Variants in CDC42BPA observed in about 807,000 individuals in gnomAD.
CDC42BPA encodes serine/threonine-protein kinase MRCK alpha.
A neutral mutation model predicts 223.5 loss-of-function variants in CDC42BPA; 80 were observed. That is an observed-to-expected ratio of 0.36 (90% confidence interval 0.30 to 0.43). The LOEUF is 0.43. Among genes scored for constraint, CDC42BPA ranks in the 20% least tolerant of loss-of-function variants. The pLI is 1.00. For synonymous variants in CDC42BPA, 694 were observed against 718.6 expected, an observed-to-expected ratio of 0.97 and a Z score of 0.55; for missense variants, 1,743 against 2,099.9, an observed-to-expected ratio of 0.83 and a Z score of 3.32.
At position 226,991,491 on chromosome 1, in the gene CDC42BPA, C is replaced by G. The variant is rs995912607; in HGVS notation, c.*2777G>C. The G allele has an allele frequency of 2.0e-5, 3 of 152,204 alleles. No individual in the cohort carries two copies. The highest frequency in any genetic ancestry group is 2.9e-5 in the Non-Finnish European group (2 of 68,058). 9.4% of individuals were successfully genotyped at this position (152,204 alleles called of 1,614,324 possible). ...TAGGATGACCGTTATTTTGGGAAAACCCTCCCCAAAACTATTCCCCCTGGC... is the reference window on the plus strand; with the variant it reads ...TAGGATGACCGTTATTTTGGGAAAAGCCTCCCCAAAACTATTCCCCCTGGC... On this transcript the variant is annotated 3_prime_UTR_variant, in exon 37 of 37. Transcript: ENST00000366766.
intron 5 of CDC42BPA, among the ~76,000 whole-genome samples, chr1:227,168,623 G>T (rs2149897096): frequency 6.6e-6 from 1 of 151,068 alleles, no homozygotes; most frequent in African/African-American, 2.4e-5. Context: ...AGCCTCCCGA[G>T]TAGCTGGGAC....
chr1:227,290,485 T>C (rs1689514081), intron 1 of CDC42BPA, among the ~76,000 whole-genome samples: 1 of 152,022 alleles, frequency 6.6e-6, no homozygotes, highest in Non-Finnish European at 1.5e-5. Context: ...CTTCTCTTAA[T>C]GACACCTTCT....
chr1:227,088,227 G>A (rs1682362525), intron 16 of CDC42BPA, among the ~76,000 whole-genome samples: 1 of 152,148 alleles, frequency 6.6e-6, no homozygotes, highest in East Asian at 1.9e-4. Flanking sequence ...GAACAAAAGG[G>A]TACACCTTAG....
intron 10 of CDC42BPA, among the ~76,000 whole-genome samples, chr1:227,139,137 A>G (rs1659204063): frequency 6.6e-6 from 1 of 152,196 alleles, no homozygotes; most frequent in South Asian, 2.1e-4. Context: ...GACTCAAGAA[A>G]CTCACTCAGA....
intron 20 of CDC42BPA, among the ~76,000 whole-genome samples, chr1:227,071,939 A>C (rs1678465618): frequency 6.6e-6 from 1 of 151,846 alleles, no homozygotes; most frequent in African/African-American, 2.4e-5. Context: ...CTGAAAAAAA[A>C]CGTCAAATTT....
intron 1 of CDC42BPA, among the ~76,000 whole-genome samples, chr1:227,283,689 G>A (rs1422999183): frequency 1.3e-5 from 2 of 152,194 alleles, no homozygotes; most frequent in South Asian, 2.1e-4. Flanking sequence ...TTTGGGTGAT[G>A]AGTACGGAAG....
chr1:227,058,532 A>G (rs1470293015), intron 21 of CDC42BPA, among the ~76,000 whole-genome samples: 3 of 152,226 alleles, frequency 2.0e-5, no homozygotes, highest in African/African-American at 7.2e-5. Flanking sequence ...TTTACATAGT[A>G]TATGAAAATC....
rs1157426000 is a variant in CDC42BPA, at chr1:227,254,168, A to G, written c.179-13T>C. The G allele has an allele frequency of 3.1e-6, 4 of 1,277,206 alleles. No individual in the cohort carries two copies. The highest frequency in any genetic ancestry group is 4.5e-6 in the Non-Finnish European group (4 of 893,024). The allele number at this position is 1,277,206 out of a possible 1,614,324, so 79.1% of individuals were successfully genotyped here. A position where few individuals can be genotyped will look rare whatever the true frequency, so the allele number is the denominator to read the frequency against. On this transcript the variant is annotated splice_polypyrimidine_tract_variant and intron_variant, in intron 1 of 36. Coordinates refer to ENST00000366766, the MANE Select transcript of CDC42BPA (RefSeq NM_001394014.1). ...GTAAATGGTTTAGCTGAAATGAAAG[A>G]GCAATATCAATTATTTTCTTAATAA...
chr1:227,253,529 G>A (rs1356693759), intron 2 of CDC42BPA, among the ~76,000 whole-genome samples: 1 of 148,864 alleles, frequency 6.7e-6, no homozygotes, highest in East Asian at 1.9e-4. Context: ...CCGGGAGGTG[G>A]AGGTTGTAGT....
intron 14 of CDC42BPA, among the ~76,000 whole-genome samples, chr1:227,107,207 AG>A (rs1358075889): frequency 6.6e-6 from 1 of 152,196 alleles, no homozygotes; most frequent in African/African-American, 2.4e-5. Flanking sequence ...CCATTTATTT[AG>A]ATTTTCTTTA....
intron 10 of CDC42BPA, among the ~76,000 whole-genome samples, chr1:227,132,721 G>A (rs1461070310): frequency 6.6e-6 from 1 of 151,664 alleles, no homozygotes. Context: ...CATCTAGGAA[G>A]TGAGGAGCGT....
chr1:227,295,759 T>A (rs1245239725), intron 1 of CDC42BPA, among the ~76,000 whole-genome samples: 1 of 152,248 alleles, frequency 6.6e-6, no homozygotes, highest in Non-Finnish European at 1.5e-5. Flanking sequence ...ATGGCCCTCA[T>A]GCCCTCATCA....
At chr1:227,038,224 T>A (rs191304374) in intron 24 of CDC42BPA, among the ~76,000 whole-genome samples, 1 of 152,306 alleles carries the variant, frequency 6.6e-6, no homozygotes, top group Non-Finnish European at 1.5e-5. Flanking sequence ...GCACATGCTC[T>A]CTTGCCTGCC....
chr1:227,204,917 C>T (rs1045928232), intron 3 of CDC42BPA, among the ~76,000 whole-genome samples: 1 of 151,150 alleles, frequency 6.6e-6, no homozygotes, highest in Non-Finnish European at 1.5e-5. Context: ...AATAAGGAAA[C>T]AATCTAAATT....
At chr1:227,084,438 A>G (rs11799547) in intron 16 of CDC42BPA, among the ~76,000 whole-genome samples, 42,915 of 151,536 alleles carry the variant, frequency 0.28, 6,292 homozygotes, top group African/African-American at 0.35. Flanking sequence ...TGAGGCAGGA[A>G]AATCGCTTGA....
chr1:227,032,516 C>A (rs186280982), intron 27 of CDC42BPA, among the ~76,000 whole-genome samples: 66 of 152,184 alleles, frequency 4.3e-4, no homozygotes, highest in Non-Finnish European at 7.5e-4. Context: ...AAGACGCCTA[C>A]CAACAAGTCC....
At chr1:227,069,153 GATT>G (rs534475894) in intron 21 of CDC42BPA, 144 of 151,918 alleles carry the variant, frequency 9.5e-4, no homozygotes, top group Non-Finnish European at 1.4e-3. Flanking sequence ...AAAGCTACAT[GATT>G]ATTATTTGTT....
At position 226,991,195 on chromosome 1, in the gene CDC42BPA, A is replaced by T. The variant is rs1660699944; in HGVS notation, c.*3073T>A. 6.6e-6 allele frequency: 1 copy of T among 152,664 alleles called. No homozygotes were observed. The highest frequency in any genetic ancestry group is 6.5e-5 in the Admixed American group (1 of 15,292). 9.5% of individuals were successfully genotyped at this position (152,664 alleles called of 1,614,324 possible). A position where few individuals can be genotyped will look rare whatever the true frequency, so the allele number is the denominator to read the frequency against. Reference sequence around the variant, plus strand: ...CATAGATAGCACCAAATACTAACACAGATAGACTATCCCAGAAATGCCTCT... The same window carrying T: ...CATAGATAGCACCAAATACTAACACTGATAGACTATCCCAGAAATGCCTCT... On this transcript the variant is annotated 3_prime_UTR_variant, in exon 37 of 37. Transcript: ENST00000366766.
intron 1 of CDC42BPA, among the ~76,000 whole-genome samples, chr1:227,297,967 TACACACACACAC>T (rs1553440423): frequency 3.8e-5 from 5 of 132,078 alleles, no homozygotes; most frequent in African/African-American, 1.5e-4. Context: ...TATATACATA[TACACACACACAC>T]ACATATATAC....
Sources: allele counts gnomAD v4.1 joint callset (sites outside exome capture counted in the v4.1 genomes callset), GRCh38; gene constraint gnomAD v4.1.1; transcripts MANE v1.5; gene names NCBI Gene and HGNC (gene_info 2026-07-23, HGNC 2026-07-21).